DRC11: variants seen among roughly 807,000 people sequenced by gnomAD.
DRC11 encodes IQ and AAA domain-containing protein 1.
the DRC11 span, among the ~76,000 whole-genome samples, chr2:236,306,843 T>C: frequency 6.6e-6 from 1 of 152,200 alleles, no homozygotes; most frequent in Non-Finnish European, 1.5e-5. The surrounding 1 kb of genome is among the most constrained non-coding windows in gnomAD (Gnocchi z 5.9). Flanking sequence ...ATATCACACC[T>C]CTTCAAACAT....
chr2:236,459,601 A>ATGTATATACGTACG, the DRC11 span, among the ~76,000 whole-genome samples: 1 of 121,556 alleles, frequency 8.2e-6, no homozygotes. Flanking sequence ...ATACGTATAC[A>ATGTATATACGTACG]TATATACGTA....
the DRC11 span, chr2:236,493,791 T>C: frequency 1.2e-6 from 2 of 1,604,872 alleles, no homozygotes; most frequent in Admixed American, 1.7e-5. Context: ...TCTATTCCGC[T>C]GTCCGCTAAT....
the DRC11 span, among the ~76,000 whole-genome samples, chr2:236,351,678 G>T: frequency 1.3e-5 from 2 of 152,172 alleles, no homozygotes. This position sits in a 1 kb window ranked among gnomAD's most constrained non-coding sequence, Gnocchi z 7.3. Context: ...GCAGGCAGGT[G>T]TGGGCGGTGG....
the DRC11 span, among the ~76,000 whole-genome samples, chr2:236,417,670 C>T: frequency 1.3e-5 from 2 of 151,818 alleles, no homozygotes; most frequent in African/African-American, 4.8e-5. Flanking sequence ...ATCAACCCGT[C>T]ATCTAGGTTT....
chr2:236,495,919 T>C, the DRC11 span, among the ~76,000 whole-genome samples: 1 of 152,142 alleles, frequency 6.6e-6, no homozygotes, highest in East Asian at 1.9e-4. The surrounding 1 kb of genome is among the most constrained non-coding windows in gnomAD (Gnocchi z 5.6). Context: ...GAAGATGATG[T>C]CCCTGGAGCA....
At chr2:236,488,175 C>G in the DRC11 span, 1 of 1,598,180 alleles carries the variant, frequency 6.3e-7, no homozygotes, top group East Asian at 2.2e-5. Flanking sequence ...GAAAGGGATA[C>G]TCTTTACAGG....
chr2:236,498,320 C>G, the DRC11 span, among the ~76,000 whole-genome samples: 758 of 151,928 alleles, frequency 5.0e-3, 5 homozygotes, highest in African/African-American at 0.018. Context: ...AAAAAATTAG[C>G]CAGGCATAGT....
At chr2:236,437,074 A>G in the DRC11 span, among the ~76,000 whole-genome samples, 5 of 141,996 alleles carry the variant, frequency 3.5e-5, no homozygotes, top group Non-Finnish European at 6.1e-5. Flanking sequence ...TATATCTCCC[A>G]ATGCTATCCC....
At chr2:236,389,527 C>A in the DRC11 span, among the ~76,000 whole-genome samples, 4 of 152,188 alleles carry the variant, frequency 2.6e-5, no homozygotes, top group Admixed American at 2.6e-4. Context: ...CGGCTCGCGA[C>A]CGGTGCGCGC....
At chr2:236,358,781 G>C in the DRC11 span, among the ~76,000 whole-genome samples, 3 of 149,244 alleles carry the variant, frequency 2.0e-5, no homozygotes, top group African/African-American at 7.5e-5. Flanking sequence ...CAACAAAAAT[G>C]CAAGAGAACC....
the DRC11 span, among the ~76,000 whole-genome samples, chr2:236,374,015 C>T: frequency 6.6e-6 from 1 of 152,170 alleles, no homozygotes; most frequent in Admixed American, 6.5e-5. Context: ...CGGTCCTTTA[C>T]ACTCATCTGC....
chr2:236,491,625 T>C, the DRC11 span, among the ~76,000 whole-genome samples: 1 of 152,112 alleles, frequency 6.6e-6, no homozygotes, highest in African/African-American at 2.4e-5. Context: ...TCATCACTGC[T>C]TGGTGCAAAG....
At chr2:236,443,098 G>A in the DRC11 span, among the ~76,000 whole-genome samples, 3 of 152,164 alleles carry the variant, frequency 2.0e-5, no homozygotes, top group African/African-American at 7.2e-5. The surrounding 1 kb of genome is among the most constrained non-coding windows in gnomAD (Gnocchi z 4.4). Flanking sequence ...AAAAAGCTAT[G>A]TGTTTCAAGG....
the DRC11 span, among the ~76,000 whole-genome samples, chr2:236,476,496 C>A: frequency 5.3e-5 from 8 of 152,112 alleles, no homozygotes; most frequent in African/African-American, 1.9e-4. This position sits in a 1 kb window ranked among gnomAD's most constrained non-coding sequence, Gnocchi z 4.7. Context: ...TATAAGATCA[C>A]ATCATCTGCA....
chr2:236,475,427 C>CT, the DRC11 span, among the ~76,000 whole-genome samples: 4 of 152,136 alleles, frequency 2.6e-5, no homozygotes, highest in African/African-American at 9.7e-5. The surrounding 1 kb of genome is among the most constrained non-coding windows in gnomAD (Gnocchi z 4.8). Context: ...GTGAATAGTG[C>CT]TGCAACAGGC....
the DRC11 span, among the ~76,000 whole-genome samples, chr2:236,482,057 A>ATATGTATAATTC: frequency 6.9e-6 from 1 of 144,300 alleles, no homozygotes; most frequent in Non-Finnish European, 1.5e-5. This position sits in a 1 kb window ranked among gnomAD's most constrained non-coding sequence, Gnocchi z 4.5. Context: ...TCTACATATT[A>ATATGTATAATTC]TATGTATAAT....
At chr2:236,477,344 A>C in the DRC11 span, among the ~76,000 whole-genome samples, 1 of 152,222 alleles carries the variant, frequency 6.6e-6, no homozygotes, top group Non-Finnish European at 1.5e-5. Flanking sequence ...AAAAAAGAAA[A>C]TGTTATTAAA....
chr2:236,308,804 G>T, the DRC11 span, among the ~76,000 whole-genome samples: 2 of 152,208 alleles, frequency 1.3e-5, no homozygotes. This position sits in a 1 kb window ranked among gnomAD's most constrained non-coding sequence, Gnocchi z 6.0. Context: ...GAATAGTGCT[G>T]CAGTGAACAC....
the DRC11 span, among the ~76,000 whole-genome samples, chr2:236,484,201 A>C: frequency 6.6e-6 from 1 of 152,200 alleles, no homozygotes; most frequent in South Asian, 2.1e-4. Flanking sequence ...TTTTTGTCCT[A>C]CCTGACATAT....
Sources: allele counts gnomAD v4.1 joint callset (sites outside exome capture counted in the v4.1 genomes callset), GRCh38; gene constraint gnomAD v4.1.1; non-coding constraint Gnocchi (gnomAD v3.1); transcripts MANE v1.5; gene names NCBI Gene and HGNC (gene_info 2026-07-23, HGNC 2026-07-21).